The following NEMF variants were observed in gnomAD, a reference collection of about 807,000 sequenced individuals.
NEMF encodes nuclear export mediator factor, also known as ribosome quality control complex subunit NEMF.
A neutral mutation model predicts 162.2 loss-of-function variants in NEMF; 89 were observed. The observed-to-expected ratio is 0.55, with a 90% confidence interval of 0.46 to 0.65. The LOEUF is 0.65. NEMF is among the 30% of genes least tolerant of loss of function. The pLI, the probability that NEMF is intolerant of heterozygous loss-of-function variation, is 0.00. For synonymous variants in NEMF, 421 were observed against 404.5 expected, an observed-to-expected ratio of 1.04 and a Z score of -0.49; for missense variants, 1,133 against 1,261.9, an observed-to-expected ratio of 0.90 and a Z score of 1.55.
intron 16 of NEMF, among the ~76,000 whole-genome samples, chr14:49,817,851 C>T (rs929588169): frequency 2.0e-5 from 3 of 152,156 alleles, no homozygotes; most frequent in African/African-American, 7.2e-5. Context: ...GACTACTCAG[C>T]TTCACAGGTG....
chr14:49,807,764 T>TTA (rs1408638947), intron 18 of NEMF, among the ~76,000 whole-genome samples: 38 of 151,654 alleles, frequency 2.5e-4, no homozygotes, highest in South Asian at 4.2e-4. Context: ...CGGCTAATTT[T>TTA]TATATATATA....
intron 3 of NEMF, among the ~76,000 whole-genome samples, chr14:49,850,101 A>T (rs1423225450): frequency 1.3e-5 from 2 of 152,102 alleles, no homozygotes; most frequent in African/African-American, 2.4e-5. Flanking sequence ...GTATTGTTTC[A>T]GGTGCCTTTC....
chr14:49,834,865 A>G lies in NEMF; in HGVS notation c.575-416T>C, dbSNP rs1000405126. On this transcript the variant is annotated intron_variant, in intron 6 of 32. Coordinates refer to ENST00000298310, the MANE Select transcript of NEMF (RefSeq NM_004713.6). ...TCAATAACAGTGGCTGGTGAAAACA[A>G]TAAGTTTACTTATTTTGAAGTGTTA... Among the ~76,000 whole-genome samples, 23 of 152,366 alleles carry G rather than the reference A, an allele frequency of 1.5e-4. No individual in the cohort carries two copies. In the East Asian group the frequency reaches 3.3e-3, roughly 22 times the overall value.
chr14:49,789,589 A>G lies in NEMF; in HGVS notation c.2620-16T>C. 2 of 1,601,296 alleles carry G rather than the reference A, an allele frequency of 1.2e-6. No homozygotes were observed. Among genetic ancestry groups the G allele is most frequent in the Non-Finnish European group, 1.7e-6 (2 of 1,177,332 alleles). On this transcript the variant is annotated splice_polypyrimidine_tract_variant and intron_variant, in intron 26 of 32. Coordinates refer to ENST00000298310, the MANE Select transcript of NEMF (RefSeq NM_004713.6). ...TCATTTTACTCTACAAAATCAGAAG[A>G]TTTTGGTTGGAAATATTCAGCAGCA... is the stretch of plus-strand genomic sequence containing the variant.
intron 16 of NEMF, among the ~76,000 whole-genome samples, chr14:49,821,481 A>G (rs1262967252): frequency 0.053 from 327 of 6,168 alleles, 128 homozygotes; most frequent in Admixed American, 0.057. Context: ...CCCCCCGCCC[A>G]GTCAGCCGCC....
rs766275565 is a variant in NEMF, at chr14:49,851,831, T to C, written c.104A>G (p.Lys35Arg). ...CTTTTGAAGACGAATAAGGTATGTC[T>C]TATTATCCACATCATAAACATTGTT... ...RVNNVYDVDN[K>R]TYLIRLQKPD... is the part of the protein sequence containing the mutation. The change falls in exon 2 of 33, where the codon AAG (lysine) becomes AGG (arginine). Residue 35 changes from lysine to arginine, a missense_variant. Physicochemically the swap from Lys to Arg is conservative, Grantham distance 26. Transcript: ENST00000298310. The C allele has an allele frequency of 1.0e-5, 16 of 1,584,700 alleles. 1 individual carries two copies. In the Admixed American group the frequency reaches 1.4e-4, roughly 14 times the overall value.
chr14:49,804,655 C>A (rs576231394), intron 19 of NEMF, among the ~76,000 whole-genome samples: 135 of 86,292 alleles, frequency 1.6e-3, no homozygotes, highest in Middle Eastern at 5.4e-3. Flanking sequence ...GACAGAGCAA[C>A]ATTCCATCTC....
At chr14:49,798,138 C>CGAAT (rs906585335) in intron 25 of NEMF, among the ~76,000 whole-genome samples, 13 of 152,206 alleles carry the variant, frequency 8.5e-5, no homozygotes, top group East Asian at 3.9e-4. Flanking sequence ...GGTTGAAAAA[C>CGAAT]GAATGAATGA....
At chr14:49,843,765 T>C (rs901099589) in intron 4 of NEMF, among the ~76,000 whole-genome samples, 4 of 152,168 alleles carry the variant, frequency 2.6e-5, no homozygotes, top group African/African-American at 9.7e-5. Context: ...TCTAAGTACA[T>C]CTAAATATAG....
intron 18 of NEMF, among the ~76,000 whole-genome samples, chr14:49,813,001 T>C (rs918105342): frequency 6.6e-6 from 1 of 152,098 alleles, no homozygotes; most frequent in African/African-American, 2.4e-5. Context: ...GGTCTCAACC[T>C]CCTGACCTCA....
chr14:49,802,102 C>T (rs1202183966), intron 22 of NEMF, among the ~76,000 whole-genome samples: 3 of 151,716 alleles, frequency 2.0e-5, no homozygotes, highest in Non-Finnish European at 4.4e-5. Context: ...GGACTATAGG[C>T]GCTCACAACG....
intron 25 of NEMF, among the ~76,000 whole-genome samples, chr14:49,798,447 G>T (rs1890791606): frequency 6.6e-6 from 1 of 152,040 alleles, no homozygotes; most frequent in Admixed American, 6.6e-5. Context: ...TTATTTTAAC[G>T]TTTAATATTA....
intron 16 of NEMF, among the ~76,000 whole-genome samples, chr14:49,822,907 C>T (rs1418921406): frequency 2.0e-5 from 3 of 149,582 alleles, no homozygotes; most frequent in African/African-American, 7.4e-5. Flanking sequence ...TCTTGAGAGG[C>T]CTAGCATTAT....
chr14:49,812,794 T>C (rs1366389645), intron 18 of NEMF, among the ~76,000 whole-genome samples: 1 of 152,150 alleles, frequency 6.6e-6, no homozygotes, highest in Admixed American at 6.5e-5. Context: ...TTAAATGTAT[T>C]GAGGCTTTTT....
chr14:49,800,791 A>T, intron 22 of NEMF, 95 bp from the exon 23 acceptor site: 2 of 1,192,164 alleles, frequency 1.7e-6, no homozygotes, highest in Non-Finnish European at 2.4e-6. Context: ...TGTTTCTCCC[A>T]TATTTCTCCA....
intron 23 of NEMF, 112 bp downstream of exon 23, chr14:49,800,308 G>A: frequency 1.2e-6 from 1 of 836,086 alleles, no homozygotes; most frequent in Non-Finnish European, 1.8e-6. Flanking sequence ...AAAGTATTAA[G>A]ACAATGGAGT....
In NEMF at chr14:49,829,029, C is replaced by G. The variant is rs777271201; in HGVS notation, c.1232+25G>C. 1.8e-5 allele frequency: 29 copies of G among 1,574,888 alleles called. No homozygotes were observed. In the African/African-American group the frequency reaches 3.8e-4, roughly 21 times the overall value. On this transcript the variant is annotated intron_variant, in intron 13 of 32. Coordinates refer to ENST00000298310, the MANE Select transcript of NEMF (RefSeq NM_004713.6). ...ATAACAAAATAAAGACAAGCATTAACTGCTTGACTAAGAGTCAAACTTACC... is the reference window on the plus strand; with the variant it reads ...ATAACAAAATAAAGACAAGCATTAAGTGCTTGACTAAGAGTCAAACTTACC...
At chr14:49,825,409 T>C (rs1314253259) in intron 16 of NEMF, among the ~76,000 whole-genome samples, 4 of 152,074 alleles carry the variant, frequency 2.6e-5, no homozygotes, top group Admixed American at 2.6e-4. Context: ...CTAAAAGTGG[T>C]TTCCTTCGGA....
At position 49,788,343 on chromosome 14, in the gene NEMF, G is replaced by A. The variant is rs79707191; in HGVS notation, c.2895+803C>T. On this transcript the variant is annotated intron_variant, in intron 28 of 32. Transcript: ENST00000298310. ...ATGTAAGAAGATATACAGAAGGCTG[G>A]GCTTGCTGTACTGTTAATAAAACAA... Among the ~76,000 whole-genome samples, 847 of 151,490 alleles carry A rather than the reference G, an allele frequency of 5.6e-3. 12 individuals are homozygous for A. The highest frequency in any genetic ancestry group is 0.02 in the African/African-American group (806 of 41,284).
Sources: gnomAD v4.1 joint callset for allele counts (sites outside exome capture counted in the v4.1 genomes callset) on GRCh38, gnomAD v4.1.1 for gene constraint, MANE v1.5 for transcripts, NCBI Gene and HGNC (gene_info 2026-07-23, HGNC 2026-07-21) for gene names.